Variants in PPARG observed in about 807,000 individuals in gnomAD.
PPARG encodes the protein peroxisome proliferator-activated receptor gamma.
PPARG carries 17 observed loss-of-function variants against 39.2 expected under a neutral mutation model. The observed-to-expected ratio is 0.43, with a 90% confidence interval of 0.30 to 0.65. PPARG has a LOEUF of 0.65. Among genes scored for constraint, PPARG ranks in the 30% least tolerant of loss-of-function variants. PPARG has a pLI of 0.13. For synonymous variants in PPARG, 223 were observed against 215.7 expected (o/e 1.03, Z -0.30); for missense variants, 406 against 585.9 (o/e 0.69, Z 3.17).
intron 5 of PPARG, among the ~76,000 whole-genome samples, chr3:12,399,990 A>G (rs2050415335): frequency 6.6e-6 from 1 of 152,076 alleles, no homozygotes; most frequent in Non-Finnish European, 1.5e-5. Flanking sequence ...TCTCTAAAAA[A>G]AAAAAAAAAA....
chr3:12,352,952 A>T (rs2048535214), intron 2 of PPARG, among the ~76,000 whole-genome samples: 1 of 152,216 alleles, frequency 6.6e-6, no homozygotes, highest in African/African-American at 2.4e-5. Context: ...TGTCCTGGCT[A>T]TACTGTGAAA....
upstream of PPARG, among the ~76,000 whole-genome samples, chr3:12,288,653 G>A (rs2046571001): frequency 6.6e-6 from 1 of 152,092 alleles, no homozygotes; most frequent in Non-Finnish European, 1.5e-5. Context: ...CTTGGGGACC[G>A]GGGGACCGTT....
At chr3:12,430,134 C>A (rs1191747894) in intron 7 of PPARG, among the ~76,000 whole-genome samples, 2 of 152,224 alleles carry the variant, frequency 1.3e-5, no homozygotes, top group Admixed American at 6.5e-5. Flanking sequence ...TTCTCTTGAG[C>A]CTTATCTCAA....
chr3:12,387,535 G>A (rs1054489817), intron 4 of PPARG, among the ~76,000 whole-genome samples: 6 of 152,082 alleles, frequency 3.9e-5, no homozygotes, highest in African/African-American at 7.2e-5. Flanking sequence ...AGAAGTGTCT[G>A]TTCATATCCC....
chr3:12,358,934 C>T (rs1456921246), intron 2 of PPARG, among the ~76,000 whole-genome samples: 1 of 152,104 alleles, frequency 6.6e-6, no homozygotes, highest in African/African-American at 2.4e-5. Context: ...GGGACATGTA[C>T]CTTTTTCTTG....
At chr3:12,411,768 G>A (rs769358845) in intron 6 of PPARG, among the ~76,000 whole-genome samples, 6 of 150,834 alleles carry the variant, frequency 4.0e-5, no homozygotes, top group Non-Finnish European at 8.9e-5. Context: ...AGAGGGAAAC[G>A]GGAACAACAG....
chr3:12,349,267 T>C (rs765849956), intron 2 of PPARG, among the ~76,000 whole-genome samples: 11 of 152,192 alleles, frequency 7.2e-5, no homozygotes, highest in Non-Finnish European at 1.5e-4. Context: ...ATAAGTCTTT[T>C]CAGTATCTAA....
intron 2 of PPARG, among the ~76,000 whole-genome samples, chr3:12,375,174 C>T (rs569671972): frequency 4.0e-5 from 6 of 151,890 alleles, no homozygotes; most frequent in East Asian, 3.9e-4. Context: ...ACCACTTGAA[C>T]GCAGGAGTTT....
At chr3:12,364,577 G>A (rs1049278065) in intron 2 of PPARG, among the ~76,000 whole-genome samples, 1 of 152,216 alleles carries the variant, frequency 6.6e-6, no homozygotes, top group Non-Finnish European at 1.5e-5. Flanking sequence ...CAAGGAGTGT[G>A]ATTACTGGAT....
intron 2 of PPARG, among the ~76,000 whole-genome samples, chr3:12,343,861 A>ATTTTTT (rs3031383): frequency 7.6e-6 from 1 of 131,066 alleles, no homozygotes. Flanking sequence ...ATCTCACCGA[A>ATTTTTT]TTTTTTTTTT....
chr3:12,339,460 A>G (rs560522210), intron 2 of PPARG, among the ~76,000 whole-genome samples: 2 of 152,370 alleles, frequency 1.3e-5, no homozygotes, highest in South Asian at 2.1e-4. Context: ...ACTTTATGCT[A>G]TGTAAAATAT....
intron 5 of PPARG, among the ~76,000 whole-genome samples, chr3:12,396,455 A>T (rs2050262685): frequency 6.6e-6 from 1 of 152,084 alleles, no homozygotes; most frequent in African/African-American, 2.4e-5. Context: ...TTATTTAGTC[A>T]TTAAGAATTT....
intron 5 of PPARG, among the ~76,000 whole-genome samples, chr3:12,394,611 A>G (rs2050193076): frequency 6.6e-6 from 1 of 152,234 alleles, no homozygotes; most frequent in African/African-American, 2.4e-5. Flanking sequence ...ATTAAGTGTC[A>G]TGACATCAGA....
chr3:12,431,439 A>C (rs2051656046), intron 7 of PPARG, among the ~76,000 whole-genome samples: 1 of 152,328 alleles, frequency 6.6e-6, no homozygotes, highest in East Asian at 1.9e-4. Context: ...AAATGAATTA[A>C]GCATTCAACT....
intron 2 of PPARG, among the ~76,000 whole-genome samples, chr3:12,338,243 T>C (rs1201018827): frequency 6.6e-6 from 1 of 152,202 alleles, no homozygotes; most frequent in East Asian, 1.9e-4. Context: ...ATTAACAACA[T>C]ACAACTTGTA....
At chr3:12,336,209 G>A (rs996257904) in intron 2 of PPARG, among the ~76,000 whole-genome samples, 16 of 152,142 alleles carry the variant, frequency 1.1e-4, no homozygotes, top group African/African-American at 2.7e-4. Flanking sequence ...TGAATTCTCC[G>A]TAATAAGATG....
chr3:12,353,649 A>C (rs896724320), intron 2 of PPARG, among the ~76,000 whole-genome samples: 1 of 152,198 alleles, frequency 6.6e-6, no homozygotes, highest in African/African-American at 2.4e-5. Context: ...ATCCAGGTAG[A>C]TTGGTCATAT....
intron 2 of PPARG, chr3:12,351,649 T>TAG: frequency 6.2e-7 from 1 of 1,610,978 alleles, no homozygotes; most frequent in South Asian, 1.1e-5. Flanking sequence ...CCTTCACTGA[T>TAG]ACACTGTCTG....
At chr3:12,321,825 A>T (rs999170289) in intron 2 of PPARG, among the ~76,000 whole-genome samples, 2 of 152,196 alleles carry the variant, frequency 1.3e-5, no homozygotes, top group Non-Finnish European at 2.9e-5. Flanking sequence ...TTGATTCAAC[A>T]TTTTTTATAG....
Sources: allele counts gnomAD v4.1 joint callset (sites outside exome capture counted in the v4.1 genomes callset), GRCh38; gene constraint gnomAD v4.1.1; transcripts MANE v1.5; gene names NCBI Gene and HGNC (gene_info 2026-07-23, HGNC 2026-07-21).